Variants in KIF9 observed in about 807,000 individuals in gnomAD.
The protein encoded by KIF9 is kinesin-like protein KIF9.
Under a neutral mutation model 94.8 loss-of-function variants are expected in KIF9, and 68 were observed. The observed-to-expected ratio is 0.72, with a 90% CI of 0.59 to 0.88. The LOEUF (loss-of-function observed/expected upper bound fraction) is 0.88. Ranked by LOEUF, KIF9 falls within the 40% of genes least tolerant of loss-of-function variation. The pLI, the probability that KIF9 is intolerant of heterozygous loss-of-function variation, is 0.00. For missense variants in KIF9, 882 were observed against 982.5 expected (o/e 0.90, Z 1.37); for synonymous variants, 343 against 362.1 (o/e 0.95, Z 0.60).
chr3:47,237,186 C>CG (rs1258720433), intron 17 of KIF9, among the ~76,000 whole-genome samples: 2 of 152,152 alleles, frequency 1.3e-5, no homozygotes, highest in East Asian at 3.9e-4. Context: ...CTCTGCCTCC[C>CG]GAGTTCAAGC....
chr3:47,273,151 A>C (rs1397936800), intron 4 of KIF9, among the ~76,000 whole-genome samples: 6 of 152,154 alleles, frequency 3.9e-5, no homozygotes, highest in Non-Finnish European at 5.9e-5. Context: ...GGTGGTGAAA[A>C]AAGCCAGAGT....
At chr3:47,277,498 C>T in intron 1 of KIF9, 119 bp from the exon 2 acceptor site, 1 of 674,302 alleles carries the variant, frequency 1.5e-6, no homozygotes, top group Non-Finnish European at 2.5e-6. Context: ...TTCCCTCTCT[C>T]CCTGAAAGCC....
rs1204053376 is a variant in KIF9, at chr3:47,245,430, A to G, written c.1371T>C (p.Ala457=). Residue 457 remains alanine, a synonymous_variant, in exon 14 of 21, where the codon GCT becomes GCC. Transcript: ENST00000684063. ...IDRNDFAAIS[A]IQKAGLVDVD... ...TAGCAACTATGCTTACCTTCTGGAT[A>G]GCAGAAATGGCTGCAAAGTCATTCC... 6 of 1,613,504 alleles carry G rather than the reference A, an allele frequency of 3.7e-6. No homozygotes were observed. The highest frequency in any genetic ancestry group is 1.3e-5 in the African/African-American group (1 of 74,920).
At chr3:47,250,354 T>G (rs1700191804) in intron 10 of KIF9, among the ~76,000 whole-genome samples, 2 of 152,196 alleles carry the variant, frequency 1.3e-5, no homozygotes, top group African/African-American at 4.8e-5. Context: ...ACTTACCTAT[T>G]TATTGTGATT....
intron 9 of KIF9, among the ~76,000 whole-genome samples, chr3:47,261,029 C>T (rs1274681338): frequency 6.6e-6 from 1 of 152,114 alleles, no homozygotes; most frequent in Non-Finnish European, 1.5e-5. Context: ...GAATCAGTTT[C>T]TCAGGTAAGG....
chr3:47,250,463 G>A, intron 10 of KIF9: 5 of 285,720 alleles, frequency 1.7e-5, no homozygotes, highest in South Asian at 1.5e-4. Context: ...AAAAGCACTT[G>A]GCACATAGTA....
chr3:47,271,274 G>C lies in KIF9; in HGVS notation c.554C>G (p.Thr185Arg), dbSNP rs777976822. Reference protein sequence around the residue: ...VFIKGLSVHLTSQEEDAFSLL... With the variant: ...VFIKGLSVHLRSQEEDAFSLL... ...GCTGAATGCATCCTCCTCCTGACTT[G>C]TGAGGTGAACTGACAAGCCCTTAAT... The change falls in exon 5 of 21, where the codon ACA (threonine) becomes AGA (arginine). Residue 185 changes from threonine to arginine, a missense_variant. Thr to Arg is a moderately conservative substitution (Grantham distance 71, BLOSUM62 -1). Transcript: ENST00000684063. 1 of 1,614,098 alleles carries C rather than the reference G, an allele frequency of 6.2e-7. No homozygotes were observed. The highest frequency in any genetic ancestry group is 1.1e-5 in the South Asian group (1 of 91,078).
At chr3:47,252,076 A>G (rs528159903) in intron 10 of KIF9, among the ~76,000 whole-genome samples, 1 of 152,226 alleles carries the variant, frequency 6.6e-6, no homozygotes, top group East Asian at 1.9e-4. Flanking sequence ...GAAAACAGGC[A>G]TCAATACCGA....
intron 16 of KIF9, among the ~76,000 whole-genome samples, chr3:47,242,751 A>T (rs567044551): frequency 1.3e-5 from 2 of 152,340 alleles, no homozygotes; most frequent in East Asian, 3.9e-4. Flanking sequence ...TCATACTTTA[A>T]AATTTTTAAA....
At chr3:47,245,995 G>A (rs531771260) in intron 13 of KIF9, 317 of 563,758 alleles carry the variant, frequency 5.6e-4, no homozygotes, top group Non-Finnish European at 8.8e-4. Flanking sequence ...GGCACTCTCA[G>A]AGCTGGCACT....
intron 8 of KIF9, 23 bp downstream of exon 8, chr3:47,265,707 G>A: frequency 2.5e-6 from 4 of 1,611,512 alleles, no homozygotes; most frequent in Non-Finnish European, 3.4e-6. Flanking sequence ...CCTCCTCCCT[G>A]GGCAGCAACT....
chr3:47,232,594 T>G (rs1698679988), intron 20 of KIF9, among the ~76,000 whole-genome samples: 1 of 151,962 alleles, frequency 6.6e-6, no homozygotes, highest in Non-Finnish European at 1.5e-5. Flanking sequence ...CCATTTCTAC[T>G]GTTTATAAAT....
At chr3:47,242,520 G>A (rs990350754) in intron 16 of KIF9, among the ~76,000 whole-genome samples, 2 of 152,098 alleles carry the variant, frequency 1.3e-5, no homozygotes, top group Admixed American at 6.6e-5. Context: ...AATTCTTCAC[G>A]GACAACCCAA....
At chr3:47,265,655 G>A in intron 8 of KIF9, 75 bp downstream of exon 8, 1 of 1,488,934 alleles carries the variant, frequency 6.7e-7, no homozygotes. Context: ...ATCATCACCA[G>A]TGGCAGATGT....
chr3:47,274,467 G>T (rs1701837998), intron 3 of KIF9, among the ~76,000 whole-genome samples: 3 of 152,246 alleles, frequency 2.0e-5, no homozygotes, highest in Admixed American at 2.0e-4. Flanking sequence ...GCAATGCTGG[G>T]CTGTGAAAAT....
intron 3 of KIF9, chr3:47,275,083 C>A: frequency 4.6e-6 from 2 of 436,594 alleles, no homozygotes; most frequent in Non-Finnish European, 8.0e-6. Context: ...ATAATTGAAC[C>A]CCTGTGACCT....
rs752993146 is a variant in KIF9 at position 47,273,677 on chromosome 3, A to G, written c.260-19T>C. 1 of 1,601,350 alleles carries G rather than the reference A, an allele frequency of 6.2e-7. No homozygotes were observed. The highest frequency in any genetic ancestry group is 1.7e-5 in the Admixed American group (1 of 59,542). Reference sequence around the variant, plus strand: ...ATGGTGCCTGCAAACATTTCAAAACACGGTGACATCCAGGAAAATAGCTCC... The same window carrying G: ...ATGGTGCCTGCAAACATTTCAAAACGCGGTGACATCCAGGAAAATAGCTCC... On this transcript the variant is annotated intron_variant, in intron 3 of 20. Coordinates refer to ENST00000684063, the MANE Select transcript of KIF9 (RefSeq NM_182902.4).
At chr3:47,249,148 A>T (rs1575988507) in intron 10 of KIF9, among the ~76,000 whole-genome samples, 1 of 139,042 alleles carries the variant, frequency 7.2e-6, no homozygotes, top group Non-Finnish European at 1.5e-5. Flanking sequence ...GTCACCTCTA[A>T]TTTTTTTTTT....
At position 47,265,908 on chromosome 3, in the gene KIF9, T is replaced by C. The variant is rs1407335475; in HGVS notation, c.769-31A>G. On this transcript the variant is annotated intron_variant, in intron 7 of 20. Transcript: ENST00000684063. ...AAGCAAAGGTCAGTTCCACTTTGGA[T>C]GGAATAAAGCAGCTGCCCCACTAAG... is the stretch of plus-strand genomic sequence containing the variant. 3 of 1,613,476 alleles carry C rather than the reference T, an allele frequency of 1.9e-6. No individual in the cohort carries two copies. The African/African-American group carries it at 4.0e-5, about 22-fold the overall frequency.
Sources: gnomAD v4.1 joint callset for allele counts (sites outside exome capture counted in the v4.1 genomes callset) on GRCh38, gnomAD v4.1.1 for gene constraint, MANE v1.5 for transcripts, NCBI Gene and HGNC (gene_info 2026-07-23, HGNC 2026-07-21) for gene names.